Variants in ZDHHC14 observed in about 807,000 individuals in gnomAD.
ZDHHC14 encodes zDHHC palmitoyltransferase 14.
A neutral mutation model predicts 47.7 loss-of-function variants in ZDHHC14; 16 were observed. The observed-to-expected ratio is 0.34, with a 90% CI of 0.23 to 0.51. The LOEUF is 0.51. Among genes scored for constraint, ZDHHC14 ranks in the 20% least tolerant of loss-of-function variants. The pLI, the probability that ZDHHC14 is intolerant of heterozygous loss-of-function variation, is 0.97. For synonymous variants in ZDHHC14, 293 were observed against 278.9 expected (o/e 1.05, Z -0.50); for missense variants, 515 against 662.5 (o/e 0.78, Z 2.44).
At chr6:157,564,351 G>A (rs1782823523) in intron 2 of ZDHHC14, among the ~76,000 whole-genome samples, 1 of 152,168 alleles carries the variant, frequency 6.6e-6, no homozygotes, top group South Asian at 2.1e-4. Context: ...CCAGAAGTGG[G>A]GTTGGGGGGA....
chr6:157,424,376 C>T (rs1438901032), intron 1 of ZDHHC14, among the ~76,000 whole-genome samples: 7 of 152,184 alleles, frequency 4.6e-5, no homozygotes, highest in South Asian at 2.1e-4. Context: ...CTCAAGTAAA[C>T]GTTGAATCTG....
intron 1 of ZDHHC14, among the ~76,000 whole-genome samples, chr6:157,503,659 G>T (rs111461626): frequency 2.6e-5 from 4 of 152,072 alleles, no homozygotes; most frequent in Non-Finnish European, 4.4e-5. Flanking sequence ...ACAGTATGAC[G>T]AAATGAATTG....
At chr6:157,455,858 G>A (rs1479723658) in intron 1 of ZDHHC14, among the ~76,000 whole-genome samples, 4 of 152,210 alleles carry the variant, frequency 2.6e-5, no homozygotes, top group Admixed American at 6.5e-5. Flanking sequence ...AAAGTAACAC[G>A]TTGGCCCATT....
At chr6:157,520,503 A>G (rs1273623660) in intron 1 of ZDHHC14, among the ~76,000 whole-genome samples, 1 of 152,218 alleles carries the variant, frequency 6.6e-6, no homozygotes, top group African/African-American at 2.4e-5. Flanking sequence ...CCACTGAACA[A>G]TATGTTTGCA....
chr6:157,573,970 A>T (rs537974538), intron 2 of ZDHHC14, among the ~76,000 whole-genome samples: 21 of 150,288 alleles, frequency 1.4e-4, no homozygotes, highest in East Asian at 9.7e-4. Context: ...TCGGGGGGGA[A>T]GTTCTTTGCT....
chr6:157,492,211 C>A (rs1779942702), intron 1 of ZDHHC14, among the ~76,000 whole-genome samples: 1 of 147,650 alleles, frequency 6.8e-6, no homozygotes, highest in Admixed American at 6.7e-5. Flanking sequence ...CCCCCGCCCC[C>A]CAGCCACTGT....
chr6:157,428,860 G>A (rs757754765), intron 1 of ZDHHC14, among the ~76,000 whole-genome samples: 2 of 152,140 alleles, frequency 1.3e-5, no homozygotes, highest in Non-Finnish European at 2.9e-5. Flanking sequence ...TGCTTTCTTC[G>A]TTACTGTGAG....
Position 157,673,022 on chromosome 6 carries a change from C to G in ZDHHC14, c.1367C>G (p.Pro456Arg), listed in dbSNP as rs773796879. 1 of 1,567,520 alleles carries G rather than the reference C, an allele frequency of 6.4e-7. No homozygotes were observed. Among genetic ancestry groups the G allele is most frequent in the Admixed American group, 1.8e-5 (1 of 55,310 alleles). ...CCCAGGCTACTGGCGGCGGGCAGCC[C>G]CCTGGCGCACAGCCGCACCATGCAC... ...SPPRLLAAGS[P>R]LAHSRTMHVL... Residue 456 changes from proline to arginine, a missense_variant, in exon 9 of 9, where the codon CCC becomes CGC. Pro to Arg is a moderately radical substitution (Grantham distance 103). Coordinates refer to ENST00000359775, the MANE Select transcript of ZDHHC14 (RefSeq NM_024630.3). This position sits in a 1 kb window ranked among gnomAD's most constrained non-coding sequence, Gnocchi z 5.4.
chr6:157,545,459 G>A (rs1359549258), intron 2 of ZDHHC14, among the ~76,000 whole-genome samples: 2 of 151,962 alleles, frequency 1.3e-5, no homozygotes, highest in Non-Finnish European at 2.9e-5. Flanking sequence ...GGCAGATCAC[G>A]AGGTCAGGAG....
At chr6:157,384,859 CT>C (rs1223753888) in intron 1 of ZDHHC14, among the ~76,000 whole-genome samples, 3 of 152,226 alleles carry the variant, frequency 2.0e-5, no homozygotes, top group African/African-American at 7.2e-5. Context: ...CTGCCTGCCC[CT>C]GGCCTGCCTT....
At chr6:157,623,756 G>A (rs1178647784) in intron 3 of ZDHHC14, among the ~76,000 whole-genome samples, 1 of 151,906 alleles carries the variant, frequency 6.6e-6, no homozygotes, top group Non-Finnish European at 1.5e-5. Context: ...CACCATGTTG[G>A]CCAGGATATT....
At chr6:157,513,353 TGGTGGC>T (rs1393318289) in intron 1 of ZDHHC14, among the ~76,000 whole-genome samples, 1 of 152,238 alleles carries the variant, frequency 6.6e-6, no homozygotes, top group Non-Finnish European at 1.5e-5. Context: ...GTGAGTGTGG[TGGTGGC>T]GTCCACACCT....
At chr6:157,539,840 C>T (rs9457725) in intron 1 of ZDHHC14, among the ~76,000 whole-genome samples, 60,013 of 151,502 alleles carry the variant, frequency 0.4, 11,972 homozygotes, top group Admixed American at 0.45. Context: ...TAGAAGTTAC[C>T]GTTATTCACT....
At chr6:157,633,881 G>A in intron 5 of ZDHHC14, among the ~76,000 whole-genome samples, 1 of 152,166 alleles carries the variant, frequency 6.6e-6, no homozygotes, top group Non-Finnish European at 1.5e-5. Context: ...TCAAACTGCT[G>A]ACCTCAGGTG....
chr6:157,484,894 T>A (rs957086830), intron 1 of ZDHHC14, among the ~76,000 whole-genome samples: 2 of 152,088 alleles, frequency 1.3e-5, no homozygotes, highest in Non-Finnish European at 2.9e-5. Context: ...TTAAAAATAA[T>A]AGCGACCAGC....
intron 2 of ZDHHC14, among the ~76,000 whole-genome samples, chr6:157,553,278 T>A (rs1239268914): frequency 6.6e-6 from 1 of 152,150 alleles, no homozygotes; most frequent in East Asian, 1.9e-4. Flanking sequence ...GGGTGAGGGT[T>A]CTGGCTAACT....
At chr6:157,476,236 G>A (rs1368473081) in intron 1 of ZDHHC14, among the ~76,000 whole-genome samples, 1 of 152,072 alleles carries the variant, frequency 6.6e-6, no homozygotes, top group Non-Finnish European at 1.5e-5. Flanking sequence ...AATGAAAGAG[G>A]AGACTTACAT....
chr6:157,598,116 C>A (rs1562499369), intron 3 of ZDHHC14, among the ~76,000 whole-genome samples: 1 of 152,186 alleles, frequency 6.6e-6, no homozygotes, highest in Non-Finnish European at 1.5e-5. Context: ...ACTGCAGATA[C>A]CTTGTGTGTT....
At chr6:157,605,748 C>T (rs9456539) in intron 3 of ZDHHC14, among the ~76,000 whole-genome samples, 85,328 of 151,962 alleles carry the variant, frequency 0.56, 24,316 homozygotes, top group East Asian at 0.74. Context: ...AGCAGGAACG[C>T]TGTAGTATGT....
Sources: gnomAD v4.1 joint callset for allele counts (sites outside exome capture counted in the v4.1 genomes callset) on GRCh38, gnomAD v4.1.1 for gene constraint, Gnocchi (gnomAD v3.1) non-coding constraint, MANE v1.5 for transcripts, NCBI Gene and HGNC (gene_info 2026-07-23, HGNC 2026-07-21) for gene names.